The following COL5A1 variants were observed in gnomAD, a reference collection of about 807,000 sequenced individuals.
COL5A1 encodes collagen type V alpha 1 chain.
A neutral mutation model predicts 263.7 loss-of-function variants in COL5A1; 16 were observed. That is an observed-to-expected ratio of 0.06 (90% CI 0.04 to 0.09). The LOEUF (loss-of-function observed/expected upper bound fraction) is 0.09. COL5A1 is among the 10% of genes least tolerant of loss of function. COL5A1 has a pLI of 1.00. For missense variants in COL5A1, 2,036 were observed against 2,540.5 expected (o/e 0.80, Z 4.27); for synonymous variants, 1,012 against 1,004.5 (o/e 1.01, Z -0.14).
intron 27 of COL5A1, among the ~76,000 whole-genome samples, chr9:134,775,365 A>C (rs1187444468): frequency 6.6e-6 from 1 of 152,218 alleles, no homozygotes; most frequent in Non-Finnish European, 1.5e-5. Context: ...AGTGAGAAAC[A>C]GAGTCTGTCT....
At chr9:134,784,859 G>A (rs1000736151) in intron 29 of COL5A1, 130 bp from the exon 30 acceptor site, 36 of 746,098 alleles carry the variant, frequency 4.8e-5, no homozygotes, top group Non-Finnish European at 2.4e-5. Flanking sequence ...GAGTGAGGCC[G>A]AGCTGGTGGA....
rs775660684 is a variant in COL5A1 at position 134,789,182 on chromosome 9, G to C, written c.2674G>C (p.Gly892Arg). ...KGSIGFPGFP[G>R]ANGEKGGRGT... ...CTCTATTGGATTCCCTGGATTTCCT[G>C]GCGCCAATGGAGAGAAGGGCGGCAG... The change falls in exon 32 of 66, where the codon GGC becomes CGC. Residue 892 changes from glycine (G) to arginine (R), a missense_variant. Gly to Arg is a moderately radical substitution (Grantham distance 125). Around this residue, in one of 3 missense-constraint regions of COL5A1, gnomAD observed 1,078 missense variants for 1,521.4 expected, o/e 0.71. Coordinates refer to ENST00000371817, the MANE Select transcript of COL5A1 (RefSeq NM_000093.5). This position sits in a 1 kb window ranked among gnomAD's most constrained non-coding sequence, Gnocchi z 4.8. 3.7e-6 allele frequency: 6 copies of C among 1,613,094 alleles called. No homozygotes were observed. Among genetic ancestry groups the C allele is most frequent in the Non-Finnish European group, 4.2e-6 (5 of 1,179,968 alleles).
In COL5A1 at chr9:134,736,540, G is replaced by A. The variant is rs373129175; in HGVS notation, c.1390-1934G>A. ...CACCTCTCAACACGGTTGCATTGAG[G>A]ATTCAGTTTCCAACACATGACTTTT... On this transcript the variant is annotated intron_variant, in intron 9 of 65. Coordinates refer to ENST00000371817, the MANE Select transcript of COL5A1 (RefSeq NM_000093.5). 1.2e-3 allele frequency among the ~76,000 whole-genome samples: 184 copies of A among 152,302 alleles called. 1 individual carries two copies. In the Middle Eastern group the frequency reaches 0.024, roughly 20 times the overall value.
In COL5A1 at chr9:134,809,401, CG is replaced by C. The variant is rs943219561; in HGVS notation, c.3474+113del. The stretch of plus-strand genomic sequence containing the variant: ...CTGGCAGGTAGAGCGGCTCAGCCAG[CG>C]GAGTGATGCCACACCCACCCCGCAG... On this transcript the variant is annotated intron_variant, in intron 43 of 65. Coordinates refer to ENST00000371817, the MANE Select transcript of COL5A1 (RefSeq NM_000093.5). 7.7e-5 allele frequency: 64 copies of C among 832,878 alleles called. 1 individual carries two copies. Among genetic ancestry groups the C allele is most frequent in the South Asian group, 6.7e-4 (46 of 69,060 alleles). The allele number at this position is 832,878 out of a possible 1,614,324, so 51.6% of individuals were successfully genotyped here.
intron 9 of COL5A1, among the ~76,000 whole-genome samples, chr9:134,735,540 A>G (rs1453993892): frequency 6.6e-6 from 1 of 152,198 alleles, no homozygotes. Flanking sequence ...CCTCAGGCGC[A>G]TTCATCCAGC....
intron 2 of COL5A1, among the ~76,000 whole-genome samples, chr9:134,694,420 A>G (rs1014910601): frequency 6.6e-6 from 1 of 152,238 alleles, no homozygotes; most frequent in Non-Finnish European, 1.5e-5. Flanking sequence ...AGACACAGCC[A>G]TGAATAGAAC....
chr9:134,701,825 G>C (rs1833686676), intron 4 of COL5A1, among the ~76,000 whole-genome samples: 1 of 152,244 alleles, frequency 6.6e-6, no homozygotes, highest in Non-Finnish European at 1.5e-5. Context: ...TGTCCAGCCA[G>C]GGGCCTTGCT....
At chr9:134,776,966 CCAGT>C (rs1269721817) in intron 27 of COL5A1, among the ~76,000 whole-genome samples, 1 of 152,168 alleles carries the variant, frequency 6.6e-6, no homozygotes, top group African/African-American at 2.4e-5. Context: ...ACCCTGTGAC[CCAGT>C]CAGTCACCTC....
chr9:134,805,118 C>G (rs1223149195), intron 40 of COL5A1, 43 bp from the exon 41 acceptor site: 2 of 1,613,840 alleles, frequency 1.2e-6, no homozygotes, highest in Non-Finnish European at 1.7e-6. Flanking sequence ...CCCTGGAGGC[C>G]TCTCCCCACG....
At position 134,809,011 on chromosome 9, in the gene COL5A1, G is replaced by A. The variant is rs578149638; in HGVS notation, c.3367-172G>A. Reference sequence around the variant, plus strand: ...CCAGAAGTTCATGGTCCAGGGGCGGGCTCAGAGTCGGCCCTCAGTGGCCCT... The same window carrying A: ...CCAGAAGTTCATGGTCCAGGGGCGGACTCAGAGTCGGCCCTCAGTGGCCCT... On this transcript the variant is annotated intron_variant, in intron 42 of 65. Transcript: ENST00000371817. The A allele has an allele frequency of 2.8e-4, 193 of 678,376 alleles. 2 individuals are homozygous for A. The South Asian group carries it at 3.0e-3, about 11-fold the overall frequency. 42.0% of individuals were successfully genotyped at this position (678,376 alleles called of 1,614,324 possible). A position where few individuals can be genotyped will look rare whatever the true frequency, so the allele number is the denominator to read the frequency against.
chr9:134,771,226 C>T (rs1836856391), intron 25 of COL5A1, among the ~76,000 whole-genome samples: 1 of 152,252 alleles, frequency 6.6e-6, no homozygotes, highest in African/African-American at 2.4e-5. Context: ...TGCAGATCCA[C>T]CCACTAGGTC....
At chr9:134,671,631 C>T (rs559847853) in intron 1 of COL5A1, among the ~76,000 whole-genome samples, 26 of 152,318 alleles carry the variant, frequency 1.7e-4, no homozygotes, top group Non-Finnish European at 1.2e-4. Flanking sequence ...TGGCTCCCCT[C>T]GGATGGGTGT....
At position 134,841,867 on chromosome 9, in the gene COL5A1, G is replaced by A. The variant is rs1033947989; in HGVS notation, c.5371-290G>A. 2.8e-4 allele frequency among the ~76,000 whole-genome samples: 42 copies of A among 152,118 alleles called. No homozygotes were observed. Among genetic ancestry groups the A allele is most frequent in the Admixed American group, 2.4e-3 (37 of 15,274 alleles). ...GAAGGCTGATCAGCTTCAATCCTGT[G>A]TGTGCCTCAGCCACCCCTGAAGCCT... On this transcript the variant is annotated intron_variant, in intron 65 of 65. Coordinates refer to ENST00000371817, the MANE Select transcript of COL5A1 (RefSeq NM_000093.5). The surrounding 1 kb of genome is among the most constrained non-coding windows in gnomAD (Gnocchi z 4.8).
intron 1 of COL5A1, among the ~76,000 whole-genome samples, chr9:134,669,528 G>A (rs755123088): frequency 5.9e-5 from 9 of 151,916 alleles, no homozygotes; most frequent in East Asian, 1.9e-4. Flanking sequence ...TACACTAGGC[G>A]GCCAGGAGTG....
chr9:134,759,965 G>A (rs1355566184), intron 18 of COL5A1, among the ~76,000 whole-genome samples: 131 of 44,362 alleles, frequency 3.0e-3, no homozygotes, highest in Admixed American at 4.0e-3. Flanking sequence ...CCACACTCAT[G>A]CACACATGCA....
At chr9:134,747,926 CAT>C (rs1474271836) in intron 11 of COL5A1, among the ~76,000 whole-genome samples, 1 of 147,236 alleles carries the variant, frequency 6.8e-6, no homozygotes, top group Non-Finnish European at 1.5e-5. Flanking sequence ...CACATGCATT[CAT>C]ACACACATGC....
chr9:134,766,823 G>A lies in COL5A1; in HGVS notation c.2134-177G>A, dbSNP rs536277687. ...AGTCAACCTCCACAGCCTCAGAGGC[G>A]CTGAGTCCTGGGGCTGCTCTCTGTG... On this transcript the variant is annotated intron_variant, in intron 22 of 65. Coordinates refer to ENST00000371817, the MANE Select transcript of COL5A1 (RefSeq NM_000093.5). 5.9e-5 allele frequency among the ~76,000 whole-genome samples: 9 copies of A among 152,266 alleles called. No individual in the cohort carries two copies. In the South Asian group the frequency reaches 1.2e-3, roughly 21 times the overall value.
rs752088929 is a variant in COL5A1 at position 134,836,395 on chromosome 9, TGA to T, written c.5370+1192_5370+1193del. On this transcript the variant is annotated intron_variant, in intron 65 of 65. Transcript: ENST00000371817. Reference sequence around the variant, plus strand: ...ACCCCGAGGGCAGCACCAAGCCCCGTGACCCAGACGCCTCCCACCAGGCCCAC... The same window carrying T: ...ACCCCGAGGGCAGCACCAAGCCCCGTCCCAGACGCCTCCCACCAGGCCCAC... Among the ~76,000 whole-genome samples the T allele has an allele frequency of 4.4e-3, 664 of 152,264 alleles. 4 individuals carry two copies. The highest frequency in any genetic ancestry group is 7.9e-3 in the Non-Finnish European group (535 of 68,014).
chr9:134,644,993 A>G (rs1311527280), intron 1 of COL5A1, among the ~76,000 whole-genome samples: 1 of 152,064 alleles, frequency 6.6e-6, no homozygotes, highest in Non-Finnish European at 1.5e-5. Flanking sequence ...CTCTCCCCAT[A>G]AAAGAGCAGT....
Sources: allele counts gnomAD v4.1 joint callset (sites outside exome capture counted in the v4.1 genomes callset), GRCh38; gene constraint gnomAD v4.1.1; regional missense constraint gnomAD v4.1.1; non-coding constraint Gnocchi (gnomAD v3.1); transcripts MANE v1.5; gene names NCBI Gene and HGNC (gene_info 2026-07-23, HGNC 2026-07-21).